Variants in LSM14B observed in about 807,000 individuals in gnomAD.
LSM14B encodes protein LSM14 homolog B.
LSM14B carries 8 observed loss-of-function variants against 42.1 expected under a neutral mutation model. That is an observed-to-expected ratio of 0.19 (90% CI 0.11 to 0.34). The LOEUF is 0.34. Among genes scored for constraint, LSM14B ranks in the 10% least tolerant of loss-of-function variants. The pLI is 1.00. For synonymous variants in LSM14B, 219 were observed against 209.7 expected, an observed-to-expected ratio of 1.04 and a Z score of -0.38; for missense variants, 396 against 513.1, an observed-to-expected ratio of 0.77 and a Z score of 2.21.
intron 3 of LSM14B, 103 bp from the exon 4 acceptor site, chr20:62,129,682 C>G: frequency 1.5e-5 from 19 of 1,247,950 alleles, no homozygotes; most frequent in South Asian, 3.1e-5. Context: ...AGGCAGTTGC[C>G]CTCCTTTCCT....
chr20:62,127,600 C>G (rs773653922), intron 3 of LSM14B: 1 of 1,550,920 alleles, frequency 6.4e-7, no homozygotes, highest in Non-Finnish European at 8.7e-7. Context: ...TTGGTAAGCC[C>G]TCCAGCCTCA....
rs1192710172 is a variant in LSM14B at position 62,134,827 on chromosome 20, A to G, written c.*679A>G. ...TGGCCAGGGGCCCTGGACGCTAGCC[A>G]CGGAGCTGCTGCACAGAGCCTGGTG... On this transcript the variant is annotated 3_prime_UTR_variant, in exon 9 of 9. Transcript: ENST00000279068. 3 of 155,462 alleles carry G rather than the reference A, an allele frequency of 1.9e-5. No individual in the cohort carries two copies. The highest frequency in any genetic ancestry group is 7.2e-5 in the African/African-American group (3 of 41,486). The allele number at this position is 155,462 out of a possible 1,614,324, so 9.6% of individuals were successfully genotyped here.
chr20:62,133,753 G>T lies in LSM14B; in HGVS notation c.*14+278G>T, dbSNP rs191415408. Among the ~76,000 whole-genome samples the T allele has an allele frequency of 2.5e-3, 381 of 152,330 alleles. 1 individual carries two copies. Among genetic ancestry groups the T allele is most frequent in the African/African-American group, 8.8e-3 (365 of 41,572 alleles). ...GGTGCGGGAGTCGCGTGGGCTGGGG[G>T]CTCACCACCCAGGTGAAGCCAGCAA... On this transcript the variant is annotated intron_variant, in intron 8 of 8. Transcript: ENST00000279068.
rs1355830398 is a variant in LSM14B at position 62,130,322 on chromosome 20, TG to T, written c.673+30del. The T allele has an allele frequency of 2.5e-6, 4 of 1,571,422 alleles. No individual in the cohort carries two copies. The highest frequency in any genetic ancestry group is 3.5e-6 in the Non-Finnish European group (4 of 1,158,190). ...GTAACACCTGTTGCCACTTGATTTCTGGGGACCACGAGTGATCAGGCTGAGC... is the reference window on the plus strand; with the variant it reads ...GTAACACCTGTTGCCACTTGATTTCTGGGACCACGAGTGATCAGGCTGAGC... On this transcript the variant is annotated intron_variant, in intron 5 of 8. Transcript: ENST00000279068. The surrounding 1 kb of genome is among the most constrained non-coding windows in gnomAD (Gnocchi z 4.1).
chr20:62,127,058 T>G (rs1020875265), intron 3 of LSM14B, among the ~76,000 whole-genome samples: 7 of 152,268 alleles, frequency 4.6e-5, no homozygotes, highest in Non-Finnish European at 8.8e-5. Context: ...CTGATATATA[T>G]GTAGTATTAC....
intron 7 of LSM14B, 79 bp from the exon 8 acceptor site, chr20:62,133,210 TG>T: frequency 6.5e-7 from 1 of 1,546,046 alleles, no homozygotes. Context: ...CCTCCTTCCC[TG>T]GGCCGCTCTG....
chr20:62,134,262 G>C lies in LSM14B; in HGVS notation c.*114G>C, dbSNP rs531063049. On this transcript the variant is annotated 3_prime_UTR_variant, in exon 9 of 9. Coordinates refer to ENST00000279068, the MANE Select transcript of LSM14B (RefSeq NM_144703.3). Reference sequence around the variant, plus strand: ...GGTGGTCACTTTGTTTACGGAGTTTGGAAGAGACCCATACTGCTACTTGTG... The same window carrying C: ...GGTGGTCACTTTGTTTACGGAGTTTCGAAGAGACCCATACTGCTACTTGTG... 3 of 471,818 alleles carry C rather than the reference G, an allele frequency of 6.4e-6. No individual in the cohort carries two copies. The highest frequency in any genetic ancestry group is 6.0e-5 in the African/African-American group (3 of 50,180). 29.2% of individuals were successfully genotyped at this position (471,818 alleles called of 1,614,324 possible).
chr20:62,130,165 C>G lies in LSM14B; in HGVS notation c.596-54C>G. ...TGGGGCCTGCTTCCACAGCTGGGTT[C>G]TGGCTTCCGGCTGCTATAGGAGCTT... On this transcript the variant is annotated intron_variant, in intron 4 of 8. Transcript: ENST00000279068. The surrounding 1 kb of genome is among the most constrained non-coding windows in gnomAD (Gnocchi z 4.1). 1 of 1,550,824 alleles carries G rather than the reference C, an allele frequency of 6.4e-7. No homozygotes were observed. Among genetic ancestry groups the G allele is most frequent in the Non-Finnish European group, 8.7e-7 (1 of 1,146,490 alleles).
At position 62,128,012 on chromosome 20, in the gene LSM14B, T is replaced by G. The variant is rs2056654404; in HGVS notation, c.427+1573T>G. On this transcript the variant is annotated intron_variant, in intron 3 of 8. Transcript: ENST00000279068. The stretch of plus-strand genomic sequence containing the variant: ...AAAGTCATTTCCCTGGGGTTTTTGC[T>G]GGGTCCTAAATGTGTTCCAGAGTGC... 6 of 608,720 alleles carry G rather than the reference T, an allele frequency of 9.9e-6. No homozygotes were observed. In the East Asian group the frequency reaches 1.7e-4, roughly 17 times the overall value. The allele number at this position is 608,720 out of a possible 1,614,324, so 37.7% of individuals were successfully genotyped here. A position where few individuals can be genotyped will look rare whatever the true frequency, so the allele number is the denominator to read the frequency against.
intron 3 of LSM14B, among the ~76,000 whole-genome samples, chr20:62,128,429 AT>A (rs1451376857): frequency 1.3e-5 from 2 of 152,218 alleles, no homozygotes; most frequent in Admixed American, 1.3e-4. Context: ...TCAGTCTGTC[AT>A]TCTGCAGGTG....
intron 1 of LSM14B, among the ~76,000 whole-genome samples, chr20:62,123,662 A>T (rs921398129): frequency 6.6e-6 from 1 of 152,186 alleles, no homozygotes; most frequent in Non-Finnish European, 1.5e-5. Context: ...ACGTCTGCCT[A>T]AGCCCGTGTG....
rs900050826 is a variant in LSM14B at position 62,134,698 on chromosome 20, T to C, written c.*550T>C. The C allele has an allele frequency of 1.6e-4, 35 of 216,362 alleles. No individual in the cohort carries two copies. Among genetic ancestry groups the C allele is most frequent in the African/African-American group, 8.3e-4 (35 of 41,944 alleles). 13.4% of individuals were successfully genotyped at this position (216,362 alleles called of 1,614,324 possible). The stretch of plus-strand genomic sequence containing the variant: ...GGAGGGCACGGAAGGGGTTTTCCCA[T>C]GGATCATGTTGTATAAGTGAACCAG... On this transcript the variant is annotated 3_prime_UTR_variant, in exon 9 of 9. Coordinates refer to ENST00000279068, the MANE Select transcript of LSM14B (RefSeq NM_144703.3).
Position 62,130,602 on chromosome 20 carries a change from T to A in LSM14B, c.746T>A (p.Phe249Tyr). 1 of 1,613,924 alleles carries A rather than the reference T, an allele frequency of 6.2e-7. No homozygotes were observed. Among genetic ancestry groups the A allele is most frequent in the Non-Finnish European group, 8.5e-7 (1 of 1,179,874 alleles). Residue 249 changes from phenylalanine (F) to tyrosine (Y), a missense_variant, in exon 6 of 9, where the codon TTT becomes TAT. Transcript: ENST00000279068. This position sits in a 1 kb window ranked among gnomAD's most constrained non-coding sequence, Gnocchi z 4.1. ...AACGTTAAGGAAAACACAATCAAATTTGAGGGTGACTTTGATTTCGAGAGT... is the reference window on the plus strand; with the variant it reads ...AACGTTAAGGAAAACACAATCAAATATGAGGGTGACTTTGATTTCGAGAGT... The part of the protein sequence containing the change: ...PTNVKENTIK[F>Y]EGDFDFESAN...
intron 7 of LSM14B, among the ~76,000 whole-genome samples, chr20:62,132,017 G>T (rs1451972330): frequency 6.6e-6 from 1 of 152,252 alleles, no homozygotes; most frequent in Non-Finnish European, 1.5e-5. Flanking sequence ...GGCATCTACA[G>T]TGTGGGCCTG....
chr20:62,128,273 C>T (rs2056661634), intron 3 of LSM14B, among the ~76,000 whole-genome samples: 1 of 152,238 alleles, frequency 6.6e-6, no homozygotes, highest in Admixed American at 6.5e-5. Flanking sequence ...ACGTTCTACT[C>T]ATTTCCCCTG....
At position 62,132,037 on chromosome 20, in the gene LSM14B, C is replaced by G. The variant is rs140407709; in HGVS notation, c.986+531C>G. Among the ~76,000 whole-genome samples the G allele has an allele frequency of 1.4e-4, 22 of 152,374 alleles. No homozygotes were observed. In the East Asian group the frequency reaches 3.5e-3, roughly 24 times the overall value. ...CTACAGTGTGGGCCTGGCTTGGAAA[C>G]TTGGGCCCATTTGTCCTGCAGATTG... On this transcript the variant is annotated intron_variant, in intron 7 of 8. Coordinates refer to ENST00000279068, the MANE Select transcript of LSM14B (RefSeq NM_144703.3).
chr20:62,133,225 A>T, intron 7 of LSM14B, 65 bp from the exon 8 acceptor site: 2 of 1,577,858 alleles, frequency 1.3e-6, no homozygotes, highest in Non-Finnish European at 1.7e-6. Context: ...CGCTCTGAGG[A>T]CGAGGCCTGG....
At position 62,130,654 on chromosome 20, in the gene LSM14B, G is replaced by A. The variant is rs763977637; in HGVS notation, c.798G>A (p.Glu266=). ...ESANAQFNRE[E]LDKEFKKKLN... is the part of the protein sequence containing the mutation. ...CAAATGCCCAGTTCAACCGAGAGGA[G>A]CTTGACAAAGAATTTAAGAAGAAAC... The change falls in exon 6 of 9, where the codon GAG becomes GAA. Residue 266 remains glutamate (E), a synonymous_variant. Coordinates refer to ENST00000279068, the MANE Select transcript of LSM14B (RefSeq NM_144703.3). The surrounding 1 kb of genome is among the most constrained non-coding windows in gnomAD (Gnocchi z 4.1). 6.2e-7 allele frequency: 1 copy of A among 1,613,658 alleles called. No homozygotes were observed. Among genetic ancestry groups the A allele is most frequent in the East Asian group, 2.2e-5 (1 of 44,890 alleles).
At chr20:62,124,864 C>A in intron 2 of LSM14B, 84 bp downstream of exon 2, 2 of 1,376,732 alleles carry the variant, frequency 1.5e-6, no homozygotes, top group Non-Finnish European at 1.9e-6. Context: ...GGTCAGAACG[C>A]TCAATGTGAG....
Sources: allele counts gnomAD v4.1 joint callset (sites outside exome capture counted in the v4.1 genomes callset), GRCh38; gene constraint gnomAD v4.1.1; non-coding constraint Gnocchi (gnomAD v3.1); transcripts MANE v1.5; gene names NCBI Gene and HGNC (gene_info 2026-07-23, HGNC 2026-07-21).